Variants in MGAT4C observed in about 807,000 individuals in gnomAD.
MGAT4C encodes MGAT4 family member C.
MGAT4C carries 19 observed loss-of-function variants against 40.1 expected under a neutral mutation model. The ratio of observed to expected loss-of-function variants is 0.47; its 90% CI spans 0.33 to 0.70. MGAT4C has a LOEUF of 0.70. MGAT4C is among the 30% of genes least tolerant of loss of function. The probability of loss-of-function intolerance (pLI) is 0.02; values close to 1 mark genes in which losing one functional copy is unlikely to be tolerated. For missense variants in MGAT4C, 491 were observed against 563.2 expected, an observed-to-expected ratio of 0.87 and a Z score of 1.30; for synonymous variants, 181 against 187.1, an observed-to-expected ratio of 0.97 and a Z score of 0.27.
intron 2 of MGAT4C, among the ~76,000 whole-genome samples, chr12:85,990,761 T>A (rs556849275): frequency 6.6e-6 from 1 of 152,340 alleles, no homozygotes; most frequent in African/African-American, 2.4e-5. Context: ...CCATTTTCTT[T>A]GATCATATTT....
chr12:86,779,011 TAAA>T (rs34368650), intron 1 of MGAT4C, among the ~76,000 whole-genome samples: 1 of 142,460 alleles, frequency 7.0e-6, no homozygotes, highest in African/African-American at 2.5e-5. Flanking sequence ...ACAATTTCAC[TAAA>T]AAAAAAAAAA....
chr12:86,056,194 G>A (rs1893367936), intron 1 of MGAT4C, among the ~76,000 whole-genome samples: 1 of 151,986 alleles, frequency 6.6e-6, no homozygotes, highest in Admixed American at 6.6e-5. Flanking sequence ...TATTATTTGA[G>A]CTTATAAAGC....
chr12:85,994,258 T>C (rs1886336032), intron 2 of MGAT4C, among the ~76,000 whole-genome samples: 1 of 152,242 alleles, frequency 6.6e-6, no homozygotes, highest in South Asian at 2.1e-4. Flanking sequence ...TAAATTCTAA[T>C]ATCCAAATTC....
chr12:86,696,244 T>C (rs147388750), intron 2 of MGAT4C, among the ~76,000 whole-genome samples: 1 of 152,096 alleles, frequency 6.6e-6, no homozygotes, highest in East Asian at 1.9e-4. Flanking sequence ...GGATTGTTTG[T>C]AGCACAAAGA....
chr12:86,552,218 TA>T (rs890935749), intron 2 of MGAT4C, among the ~76,000 whole-genome samples: 3 of 152,006 alleles, frequency 2.0e-5, no homozygotes, highest in African/African-American at 7.2e-5. Flanking sequence ...AATTCACTAT[TA>T]TTTTTATTAC....
chr12:86,391,825 A>C (rs188454381), intron 3 of MGAT4C, among the ~76,000 whole-genome samples: 11 of 152,196 alleles, frequency 7.2e-5, no homozygotes, highest in Admixed American at 3.9e-4. Flanking sequence ...GCGACACTGC[A>C]CTCCAGCCTG....
At chr12:86,307,946 G>A (rs1345149517) in intron 4 of MGAT4C, among the ~76,000 whole-genome samples, 2 of 150,418 alleles carry the variant, frequency 1.3e-5, no homozygotes, top group African/African-American at 2.5e-5. Context: ...CTCGTGATCC[G>A]CCCGTCTCGG....
At chr12:86,450,979 T>C (rs1957417310) in intron 2 of MGAT4C, among the ~76,000 whole-genome samples, 1 of 152,176 alleles carries the variant, frequency 6.6e-6, no homozygotes, top group Non-Finnish European at 1.5e-5. Context: ...TTGTCATATA[T>C]CTGGTAATTT....
rs1184592077 is a variant in MGAT4C, at chr12:85,962,166, TTAGAA to T, written c.*17118_*17122del. 1.3e-5 allele frequency: 2 copies of T among 151,636 alleles called. No homozygotes were observed. Among genetic ancestry groups the T allele is most frequent in the East Asian group, 1.9e-4 (1 of 5,188 alleles). 9.4% of individuals were successfully genotyped at this position (151,636 alleles called of 1,614,324 possible). ...AGTGTGCACGAAAGAGAACATGGAG[TTAGAA>T]TAATTATTGTAGGACTGTAGATTGT... On this transcript the variant is annotated 3_prime_UTR_variant, in exon 5 of 5. Coordinates refer to ENST00000611864, the MANE Select transcript of MGAT4C (RefSeq NM_001351288.2).
At chr12:86,699,352 CTT>C (rs1950315713) in intron 2 of MGAT4C, among the ~76,000 whole-genome samples, 1 of 152,064 alleles carries the variant, frequency 6.6e-6, no homozygotes, top group Admixed American at 6.6e-5. Context: ...AGTTCCATGT[CTT>C]TGAAGAAGAA....
intron 1 of MGAT4C, among the ~76,000 whole-genome samples, chr12:86,826,087 C>A (rs911217448): frequency 6.6e-6 from 1 of 151,402 alleles, no homozygotes; most frequent in African/African-American, 2.4e-5. Flanking sequence ...CACATTATTA[C>A]TGCATCTACC....
At chr12:86,244,867 G>A (rs1210203511) in intron 1 of MGAT4C, among the ~76,000 whole-genome samples, 2 of 152,166 alleles carry the variant, frequency 1.3e-5, no homozygotes, top group African/African-American at 4.8e-5. Context: ...GAAGCATAGG[G>A]TTTATGGGTG....
At chr12:86,646,552 T>TC (rs1963547806) in intron 2 of MGAT4C, among the ~76,000 whole-genome samples, 1 of 151,910 alleles carries the variant, frequency 6.6e-6, no homozygotes, top group African/African-American at 2.4e-5. Flanking sequence ...TCATATTATT[T>TC]CAATGTATTC....
In MGAT4C at chr12:85,973,593, A is replaced by C. The variant is rs552919738; in HGVS notation, c.*5696T>G. On this transcript the variant is annotated 3_prime_UTR_variant, in exon 5 of 5. Coordinates refer to ENST00000611864, the MANE Select transcript of MGAT4C (RefSeq NM_001351288.2). The stretch of plus-strand genomic sequence containing the variant: ...TATTTTATTATTATGTCTTTGGCTC[A>C]CCTACTTTAAGGAGATGGCTACTTA... 3 of 150,944 alleles carry C rather than the reference A, an allele frequency of 2.0e-5. No individual in the cohort carries two copies. In the South Asian group the frequency reaches 6.2e-4, roughly 31 times the overall value. The allele number at this position is 150,944 out of a possible 1,614,324, so 9.4% of individuals were successfully genotyped here.
intron 2 of MGAT4C, among the ~76,000 whole-genome samples, chr12:86,648,899 T>C (rs985661460): frequency 3.3e-5 from 5 of 151,846 alleles, no homozygotes; most frequent in African/African-American, 9.7e-5. Context: ...TGTTTTAAAA[T>C]TGTTCTCTCT....
chr12:86,377,180 ACT>A (rs1955845091), intron 3 of MGAT4C, among the ~76,000 whole-genome samples: 1 of 149,962 alleles, frequency 6.7e-6, no homozygotes, highest in South Asian at 2.1e-4. Flanking sequence ...CCTGCCTCAG[ACT>A]CTGAGTAGCT....
chr12:86,488,343 C>T (rs1267641550), intron 2 of MGAT4C, among the ~76,000 whole-genome samples: 2 of 151,288 alleles, frequency 1.3e-5, no homozygotes, highest in Non-Finnish European at 2.9e-5. Context: ...AAGAGTATCG[C>T]TTCAGCCAGG....
chr12:86,780,205 A>G (rs1479216373), intron 1 of MGAT4C, among the ~76,000 whole-genome samples: 1 of 152,216 alleles, frequency 6.6e-6, no homozygotes, highest in Non-Finnish European at 1.5e-5. Flanking sequence ...TAAATTCTCT[A>G]ACTCAAAAGC....
chr12:86,635,361 T>G (rs949577584), intron 2 of MGAT4C, among the ~76,000 whole-genome samples: 1 of 152,066 alleles, frequency 6.6e-6, no homozygotes, highest in Non-Finnish European at 1.5e-5. Context: ...AAATTCCAGC[T>G]GATGTTGGCC....
Sources: gnomAD v4.1 joint callset for allele counts (sites outside exome capture counted in the v4.1 genomes callset) on GRCh38, gnomAD v4.1.1 for gene constraint, MANE v1.5 for transcripts, NCBI Gene and HGNC (gene_info 2026-07-23, HGNC 2026-07-21) for gene names.